The following CFAP74 variants were observed in gnomAD, a reference collection of about 807,000 sequenced individuals.
CFAP74 encodes the protein cilia and flagella associated protein 74.
CFAP74 carries 124 observed loss-of-function variants against 188.9 expected under a neutral mutation model. The ratio of observed to expected loss-of-function variants is 0.66; its 90% CI spans 0.57 to 0.76. The LOEUF (loss-of-function observed/expected upper bound fraction) is 0.76. Ranked by LOEUF, CFAP74 falls within the 30% of genes least tolerant of loss-of-function variation. The pLI, the probability that CFAP74 is intolerant of heterozygous loss-of-function variation, is 0.00. For missense variants in CFAP74, 2,198 were observed against 2,165.2 expected, an observed-to-expected ratio of 1.02 and a Z score of -0.30; for synonymous variants, 956 against 916.7, an observed-to-expected ratio of 1.04 and a Z score of -0.77.
rs747692476 is a variant in CFAP74 at position 1,988,873 on chromosome 1, CG to C, written c.152+15del. 4.1e-6 allele frequency: 5 copies of C among 1,219,456 alleles called. No homozygotes were observed. Among genetic ancestry groups the C allele is most frequent in the Middle Eastern group, 2.1e-4 (1 of 4,816 alleles). 75.5% of individuals were successfully genotyped at this position (1,219,456 alleles called of 1,614,324 possible). On this transcript the variant is annotated intron_variant, in intron 3 of 38. Coordinates refer to ENST00000682832, the MANE Select transcript of CFAP74 (RefSeq NM_001304360.2). ...ACCCCCCCACACCCACCTCCACCCCCGATCCTCCGAGTTACCTGCTGTGTCC... is the reference window on the plus strand; with the variant it reads ...ACCCCCCCACACCCACCTCCACCCCCATCCTCCGAGTTACCTGCTGTGTCC...
intron 25 of CFAP74, among the ~76,000 whole-genome samples, chr1:1,938,555 C>T (rs1426777940): frequency 2.0e-5 from 3 of 151,960 alleles, no homozygotes; most frequent in African/African-American, 4.8e-5. Flanking sequence ...TGCGCACACA[C>T]GTTCACACAC....
At position 1,988,643 on chromosome 1, in the gene CFAP74, T is replaced by G; in HGVS notation, c.165A>C (p.Glu55Asp). ...VDPGHSSSVK[E>D]LDTDADKLKK... Reference sequence around the variant, plus strand: ...TCAATTTATCAGCATCAGTATCTAGTTCTTTCACTGAGCTTAGGATGAAAA... The same window carrying G: ...TCAATTTATCAGCATCAGTATCTAGGTCTTTCACTGAGCTTAGGATGAAAA... The change falls in exon 4 of 39, where the codon GAA becomes GAC. Residue 55 changes from glutamate (E) to aspartate (D), a missense_variant. By Grantham distance (45) the Glu-to-Asp change is conservative. Transcript: ENST00000682832. 1 of 1,608,996 alleles carries G rather than the reference T, an allele frequency of 6.2e-7. No individual in the cohort carries two copies. Among genetic ancestry groups the G allele is most frequent in the South Asian group, 1.1e-5 (1 of 91,072 alleles).
At chr1:1,985,511 G>A in intron 5 of CFAP74, 21 bp from the exon 6 acceptor site, 1 of 1,597,802 alleles carries the variant, frequency 6.3e-7, no homozygotes. Flanking sequence ...GAACGGACAG[G>A]CCGGGCGTGT....
In CFAP74 at chr1:1,966,661, A is replaced by G; in HGVS notation, c.1246-135T>C. 3 of 640,648 alleles carry G rather than the reference A, an allele frequency of 4.7e-6. No individual in the cohort carries two copies. In the South Asian group the frequency reaches 1.9e-4, roughly 40 times the overall value. 39.7% of individuals were successfully genotyped at this position (640,648 alleles called of 1,614,324 possible). A position where few individuals can be genotyped will look rare whatever the true frequency, so the allele number is the denominator to read the frequency against. ...TGCCTCACGTACTCTGCATGGAGATAGCGGTGCACACGGTTTTGTAACTTT... is the reference window on the plus strand; with the variant it reads ...TGCCTCACGTACTCTGCATGGAGATGGCGGTGCACACGGTTTTGTAACTTT... On this transcript the variant is annotated intron_variant, in intron 11 of 38. Transcript: ENST00000682832.
intron 6 of CFAP74, among the ~76,000 whole-genome samples, chr1:1,983,084 C>T (rs542810291): frequency 2.6e-5 from 4 of 152,300 alleles, no homozygotes; most frequent in East Asian, 1.9e-4. Flanking sequence ...CCTGATGGGC[C>T]GGATCATACC....
chr1:1,963,363 A>C (rs1181091481), intron 14 of CFAP74, among the ~76,000 whole-genome samples: 1 of 145,976 alleles, frequency 6.9e-6, no homozygotes, highest in East Asian at 2.1e-4. Context: ...AGGCAGGAGA[A>C]TCTCTTGAAT....
intron 28 of CFAP74, 114 bp from the exon 29 acceptor site, chr1:1,927,142 G>T: frequency 2.4e-6 from 3 of 1,274,448 alleles, no homozygotes; most frequent in Non-Finnish European, 2.2e-6. Flanking sequence ...CCAAGCTGTG[G>T]CTGTCCCAGT....
intron 1 of CFAP74, among the ~76,000 whole-genome samples, chr1:1,994,692 A>C (rs963885612): frequency 3.9e-5 from 6 of 152,220 alleles, no homozygotes; most frequent in Non-Finnish European, 8.8e-5. Flanking sequence ...CGTGGATGTC[A>C]GTCTTCTAAA....
chr1:1,954,594 G>T (rs1439618797), intron 18 of CFAP74: 4 of 163,718 alleles, frequency 2.4e-5, no homozygotes, highest in Non-Finnish European at 5.2e-5. Context: ...ACCAGCCTGG[G>T]AAACATGGCG....
intron 6 of CFAP74, chr1:1,984,019 GCTCA>G (rs1340015995): frequency 1.4e-5 from 2 of 140,872 alleles, no homozygotes; most frequent in Non-Finnish European, 3.1e-5. Flanking sequence ...ACAGAGTCTT[GCTCA>G]CTCTGTCGCC....
chr1:2,002,455 T>G (rs920105399), intron 1 of CFAP74, among the ~76,000 whole-genome samples: 1 of 151,182 alleles, frequency 6.6e-6, no homozygotes, highest in African/African-American at 2.4e-5. Context: ...CGGAGGTGGG[T>G]GGATCATTTG....
chr1:1,963,180 G>A (rs1655210328), intron 14 of CFAP74, among the ~76,000 whole-genome samples: 1 of 152,328 alleles, frequency 6.6e-6, no homozygotes, highest in South Asian at 2.1e-4. Flanking sequence ...ACAAGGTGTG[G>A]TGGCTCATGC....
intron 16 of CFAP74, among the ~76,000 whole-genome samples, chr1:1,957,555 G>A (rs1654734032): frequency 6.6e-6 from 1 of 152,188 alleles, no homozygotes; most frequent in Non-Finnish European, 1.5e-5. Flanking sequence ...CCCCTGCTCA[G>A]GGGAGCCGAG....
chr1:1,935,330 G>A (rs1265044515), intron 25 of CFAP74, among the ~76,000 whole-genome samples: 1 of 93,386 alleles, frequency 1.1e-5, no homozygotes, highest in East Asian at 4.1e-4. Flanking sequence ...AGGTACACAG[G>A]TGTGTACGTG....
chr1:1,931,979 T>C (rs573875370), intron 25 of CFAP74, among the ~76,000 whole-genome samples: 148 of 146,796 alleles, frequency 1.0e-3, no homozygotes, highest in African/African-American at 3.5e-3. Context: ...GGCAGGAGAA[T>C]TGCTTGAACC....
chr1:1,991,061 T>A, intron 1 of CFAP74, 86 bp from the exon 2 acceptor site: 4 of 901,294 alleles, frequency 4.4e-6, no homozygotes, highest in Non-Finnish European at 5.1e-6. Context: ...AAGAAGGCAT[T>A]AAGAAAACAA....
chr1:1,971,219 A>ATG (rs1656009665), intron 9 of CFAP74, among the ~76,000 whole-genome samples: 1 of 150,194 alleles, frequency 6.7e-6, no homozygotes, highest in Non-Finnish European at 1.5e-5. Context: ...CTGCACACAT[A>ATG]CGCGTGCACG....
chr1:1,957,898 C>T (rs990515254), intron 16 of CFAP74, among the ~76,000 whole-genome samples: 3 of 152,196 alleles, frequency 2.0e-5, no homozygotes, highest in African/African-American at 7.2e-5. Context: ...AGGCGGCAGC[C>T]ACAGGGCAAG....
At chr1:1,993,932 A>T (rs1345498265) in intron 1 of CFAP74, among the ~76,000 whole-genome samples, 3 of 150,898 alleles carry the variant, frequency 2.0e-5, no homozygotes, top group African/African-American at 7.3e-5. Flanking sequence ...CAGTGAGCCG[A>T]GATCACACCA....
Sources: allele counts gnomAD v4.1 joint callset (sites outside exome capture counted in the v4.1 genomes callset), GRCh38; gene constraint gnomAD v4.1.1; transcripts MANE v1.5; gene names NCBI Gene and HGNC (gene_info 2026-07-23, HGNC 2026-07-21).